Variants in FBH1 observed in about 807,000 individuals in gnomAD.
The protein encoded by FBH1 is DNA 3'-5' helicase 1.
In FBH1, 43 loss-of-function variants were observed where a neutral mutation model predicts 115.5. That is an observed-to-expected ratio of 0.37 (90% CI 0.29 to 0.48). The LOEUF is 0.48. Among genes scored for constraint, FBH1 ranks in the 20% least tolerant of loss-of-function variants. The pLI is 0.99. For synonymous variants in FBH1, 524 were observed against 507.8 expected, an observed-to-expected ratio of 1.03 and a Z score of -0.43; for missense variants, 1,001 against 1,337.3, an observed-to-expected ratio of 0.75 and a Z score of 3.92.
At chr10:5,922,666 G>A (rs1481296503) in intron 15 of FBH1, among the ~76,000 whole-genome samples, 1 of 152,186 alleles carries the variant, frequency 6.6e-6, no homozygotes, top group Non-Finnish European at 1.5e-5. Flanking sequence ...TTATGTGAGT[G>A]TTTTATGTGT....
chr10:5,910,845 C>A lies in FBH1; in HGVS notation c.1021-93C>A. Reference sequence around the variant, plus strand: ...GACAGTCTGTAGCCAGCAGCTGGACCCGTGGCTCGGCTTTCCTGACTCCTT... The same window carrying A: ...GACAGTCTGTAGCCAGCAGCTGGACACGTGGCTCGGCTTTCCTGACTCCTT... On this transcript the variant is annotated intron_variant, in intron 5 of 20. Coordinates refer to ENST00000362091, the MANE Select transcript of FBH1 (RefSeq NM_178150.3). The surrounding 1 kb of genome is among the most constrained non-coding windows in gnomAD (Gnocchi z 4.8). The A allele has an allele frequency of 9.1e-7, 1 of 1,093,038 alleles. No individual in the cohort carries two copies. Among genetic ancestry groups the A allele is most frequent in the Non-Finnish European group, 1.3e-6 (1 of 769,196 alleles). 67.7% of individuals were successfully genotyped at this position (1,093,038 alleles called of 1,614,324 possible).
At position 5,917,373 on chromosome 10, in the gene FBH1, T is replaced by C; in HGVS notation, c.1789-47T>C. 1 of 1,542,990 alleles carries C rather than the reference T, an allele frequency of 6.5e-7. No individual in the cohort carries two copies. The highest frequency in any genetic ancestry group is 8.9e-7 in the Non-Finnish European group (1 of 1,118,898). On this transcript the variant is annotated intron_variant, in intron 10 of 20. Transcript: ENST00000362091. This position sits in a 1 kb window ranked among gnomAD's most constrained non-coding sequence, Gnocchi z 5.6. ...GACAGTGTGACCGCAGGGTGCTGCCTTTGCCAGGGTCTCAAACTCTGGGTT... is the reference window on the plus strand; with the variant it reads ...GACAGTGTGACCGCAGGGTGCTGCCCTTGCCAGGGTCTCAAACTCTGGGTT...
At chr10:5,920,181 G>A (rs948811226) in intron 13 of FBH1, among the ~76,000 whole-genome samples, 1 of 152,192 alleles carries the variant, frequency 6.6e-6, no homozygotes, top group East Asian at 1.9e-4. Flanking sequence ...GCATTTGTAG[G>A]CTGCCCCTGT....
rs774431806 is a variant in FBH1 at position 5,895,218 on chromosome 10, G to A, written c.1+4872G>A. On this transcript the variant is annotated intron_variant, in intron 1 of 20. Transcript: ENST00000362091. The surrounding 1 kb of genome is among the most constrained non-coding windows in gnomAD (Gnocchi z 5.0). The stretch of plus-strand genomic sequence containing the variant: ...AGGCATGTGGGAAACTGACCAGGGC[G>A]GTTAGCTGACTCCAAAATTGTCCAG... The A allele has an allele frequency of 1.8e-5, 29 of 1,591,144 alleles. No individual in the cohort carries two copies. The highest frequency in any genetic ancestry group is 2.2e-5 in the South Asian group (2 of 89,008).
Position 5,925,518 on chromosome 10 carries a change from G to T in FBH1, c.2722+26G>T, listed in dbSNP as rs752038364. 6.2e-7 allele frequency: 1 copy of T among 1,612,560 alleles called. No individual in the cohort carries two copies. Among genetic ancestry groups the T allele is most frequent in the Non-Finnish European group, 8.5e-7 (1 of 1,179,728 alleles). On this transcript the variant is annotated intron_variant, in intron 18 of 20. Coordinates refer to ENST00000362091, the MANE Select transcript of FBH1 (RefSeq NM_178150.3). This position sits in a 1 kb window ranked among gnomAD's most constrained non-coding sequence, Gnocchi z 4.6. ...GTAAGAGGCCGCCGGGTAGTGTCAG[G>T]TGCTGCTGTATGTAGTGAGTGGTGA... is the stretch of plus-strand genomic sequence containing the variant.
In FBH1 at chr10:5,931,019, T is replaced by C. The variant is rs1245369984; in HGVS notation, c.2829+3478T>C. On this transcript the variant is annotated intron_variant, in intron 19 of 20. Coordinates refer to ENST00000362091, the MANE Select transcript of FBH1 (RefSeq NM_178150.3). The surrounding 1 kb of genome is among the most constrained non-coding windows in gnomAD (Gnocchi z 4.3). ...CTTAAGTGATCCTCCTACCTCAGCCTCCCAAAGTTCTGGGATTATAGGTGT... is the reference window on the plus strand; with the variant it reads ...CTTAAGTGATCCTCCTACCTCAGCCCCCCAAAGTTCTGGGATTATAGGTGT... 1.3e-5 allele frequency among the ~76,000 whole-genome samples: 2 copies of C among 152,146 alleles called. No individual in the cohort carries two copies. The highest frequency in any genetic ancestry group is 4.8e-5 in the African/African-American group (2 of 41,456).
Position 5,937,517 on chromosome 10 carries a change from TA to T in FBH1, c.*254del, listed in dbSNP as rs58766013. The T allele has an allele frequency of 0.57, 157,038 of 275,716 alleles. 36,409 individuals carry two copies. The highest frequency in any genetic ancestry group is 0.67 in the Admixed American group (12,672 of 18,782). 17.1% of individuals were successfully genotyped at this position (275,716 alleles called of 1,614,324 possible). A position where few individuals can be genotyped will look rare whatever the true frequency, so the allele number is the denominator to read the frequency against. ...AGGGAAGTGGGGGATGTTCTTTTGA[TA>T]AAAAAAAAAAAAAAAATTTATGTAT... is the stretch of plus-strand genomic sequence containing the variant. On this transcript the variant is annotated 3_prime_UTR_variant, in exon 21 of 21. Coordinates refer to ENST00000362091, the MANE Select transcript of FBH1 (RefSeq NM_178150.3).
chr10:5,900,658 A>T lies in FBH1; in HGVS notation c.2-2362A>T, dbSNP rs190005975. ...TAAAATATTCATGAAGTTTTTTTTT[A>T]AAAAAGCTGGTATTAAACCTTGAAA... On this transcript the variant is annotated intron_variant, in intron 1 of 20. Coordinates refer to ENST00000362091, the MANE Select transcript of FBH1 (RefSeq NM_178150.3). The surrounding 1 kb of genome is among the most constrained non-coding windows in gnomAD (Gnocchi z 4.2). Among the ~76,000 whole-genome samples the T allele has an allele frequency of 7.8e-4, 119 of 152,128 alleles. No homozygotes were observed. Among genetic ancestry groups the T allele is most frequent in the South Asian group, 2.5e-3 (12 of 4,828 alleles).
chr10:5,891,119 A>G (rs1842695048), intron 1 of FBH1: 4 of 985,134 alleles, frequency 4.1e-6, no homozygotes, highest in Non-Finnish European at 4.8e-6. Context: ...AATTACAGGT[A>G]ATAAAGTCTT....
At chr10:5,934,591 T>G (rs534235978) in intron 19 of FBH1, 2 of 152,354 alleles carry the variant, frequency 1.3e-5, no homozygotes, top group Admixed American at 6.5e-5. Context: ...TTGACTGGGC[T>G]GGTCTCAAAC....
Position 5,911,277 on chromosome 10 carries a change from C to G in FBH1, c.1211+149C>G, listed in dbSNP as rs1831574546. On this transcript the variant is annotated intron_variant, in intron 6 of 20. Coordinates refer to ENST00000362091, the MANE Select transcript of FBH1 (RefSeq NM_178150.3). This position sits in a 1 kb window ranked among gnomAD's most constrained non-coding sequence, Gnocchi z 5.4. Reference sequence around the variant, plus strand: ...ACCTCAGTGTCATCTTCTGCAGGAGCCAGGGGCTGAGAGTTTGATGTGGAA... The same window carrying G: ...ACCTCAGTGTCATCTTCTGCAGGAGGCAGGGGCTGAGAGTTTGATGTGGAA... 4 of 762,320 alleles carry G rather than the reference C, an allele frequency of 5.2e-6. No homozygotes were observed. Among genetic ancestry groups the G allele is most frequent in the Non-Finnish European group, 8.3e-6 (4 of 484,254 alleles). 47.2% of individuals were successfully genotyped at this position (762,320 alleles called of 1,614,324 possible).
chr10:5,901,307 C>A (rs1297510998), intron 1 of FBH1, among the ~76,000 whole-genome samples: 1 of 151,972 alleles, frequency 6.6e-6, no homozygotes, highest in African/African-American at 2.4e-5. Context: ...GGGGCATATG[C>A]CACCATGCCC....
Position 5,921,351 on chromosome 10 carries a change from C to T in FBH1, c.2194C>T (p.His732Tyr). The change falls in exon 14 of 21, where the codon CAT (histidine) becomes TAT (tyrosine). Residue 732 changes from histidine (H) to tyrosine (Y), a missense_variant. By Grantham distance (83) the His-to-Tyr change is moderately conservative (BLOSUM62 2). Coordinates refer to ENST00000362091, the MANE Select transcript of FBH1 (RefSeq NM_178150.3). This position sits in a 1 kb window ranked among gnomAD's most constrained non-coding sequence, Gnocchi z 6.4. ...GAAAAAGACTTTGGTTGGAGGAAAC[C>T]ATCAGAGTAAGGCTTTTAGTTACTC... ...VRKKTLVGGN[H>Y]QSGIRGDAKG... 2 of 1,614,148 alleles carry T rather than the reference C, an allele frequency of 1.2e-6. No individual in the cohort carries two copies. Among genetic ancestry groups the T allele is most frequent in the Non-Finnish European group, 1.7e-6 (2 of 1,180,020 alleles).
At chr10:5,894,976 C>A in intron 1 of FBH1, 2 of 1,532,684 alleles carry the variant, frequency 1.3e-6, no homozygotes, top group African/African-American at 1.4e-5. Flanking sequence ...TGCTTCCTGG[C>A]TTGAGTGAAT....
At chr10:5,894,110 G>T in intron 1 of FBH1, 1 of 985,406 alleles carries the variant, frequency 1.0e-6, no homozygotes, top group Non-Finnish European at 1.2e-6. Flanking sequence ...GGAACTTTTG[G>T]ATTTCTGGAG....
chr10:5,909,190 G>A lies in FBH1; in HGVS notation c.916G>A (p.Val306Met), dbSNP rs745743886. The change falls in exon 5 of 21, where the codon GTG (valine) becomes ATG (methionine). Residue 306 changes from valine (V) to methionine (M), a missense_variant. Around this residue, in one of 4 missense-constraint regions of FBH1, gnomAD observed 420 missense variants for 430.4 expected, o/e 0.98. Coordinates refer to ENST00000362091, the MANE Select transcript of FBH1 (RefSeq NM_178150.3). This position sits in a 1 kb window ranked among gnomAD's most constrained non-coding sequence, Gnocchi z 4.4. The stretch of plus-strand genomic sequence containing the variant: ...AGCCACCACTAAGTGCTCTCCGAGT[G>A]TGGATCCCGAGAGGGTGCTGTGGAG... ...YTATTKCSPS[V>M]DPERVLWSLR... 6.2e-7 allele frequency: 1 copy of A among 1,613,754 alleles called. No individual in the cohort carries two copies. Among genetic ancestry groups the A allele is most frequent in the African/African-American group, 1.3e-5 (1 of 75,032 alleles).
rs540501664 is a variant in FBH1 at position 5,898,344 on chromosome 10, C to T, written c.2-4676C>T. Among the ~76,000 whole-genome samples, 31 of 152,266 alleles carry T rather than the reference C, an allele frequency of 2.0e-4. 2 individuals are homozygous for T. In the South Asian group the frequency reaches 6.0e-3, roughly 30 times the overall value. ...AGTAAGGGAGCTCTCTGAGACCTCT[C>T]TTATAAGGGCACTAATCCCATTTGT... is the stretch of plus-strand genomic sequence containing the variant. On this transcript the variant is annotated intron_variant, in intron 1 of 20. Coordinates refer to ENST00000362091, the MANE Select transcript of FBH1 (RefSeq NM_178150.3).
Position 5,915,275 on chromosome 10 carries a change from C to G in FBH1, c.1397-128C>G. Reference sequence around the variant, plus strand: ...TTTGGTGGCACTACTTTTACCAGCACTGAAAAACTTGTTACTGTCCTGCTC... The same window carrying G: ...TTTGGTGGCACTACTTTTACCAGCAGTGAAAAACTTGTTACTGTCCTGCTC... On this transcript the variant is annotated intron_variant, in intron 8 of 20. Transcript: ENST00000362091. This position sits in a 1 kb window ranked among gnomAD's most constrained non-coding sequence, Gnocchi z 5.2. 6 of 949,052 alleles carry G rather than the reference C, an allele frequency of 6.3e-6. No homozygotes were observed. The highest frequency in any genetic ancestry group is 9.3e-6 in the Non-Finnish European group (6 of 648,244). The allele number at this position is 949,052 out of a possible 1,614,324, so 58.8% of individuals were successfully genotyped here.
rs767086074 is a variant in FBH1, at chr10:5,906,056, C to A, written c.177C>A (p.Cys59Ter). The A allele has an allele frequency of 6.2e-7, 1 of 1,608,538 alleles. No homozygotes were observed. The highest frequency in any genetic ancestry group is 2.2e-5 in the East Asian group (1 of 44,710). The change falls in exon 3 of 21, where the codon TGC becomes TGA. Residue 59 changes from cysteine to a stop codon, truncating the protein, a stop_gained. Transcript: ENST00000362091. LOFTEE classifies it high-confidence loss of function. The surrounding 1 kb of genome is among the most constrained non-coding windows in gnomAD (Gnocchi z 7.3). ...RGSRGQGSQRCIPEFFLAGKQ... is the reference protein window; with the variant it reads ...RGSRGQGSQR ...CTACAGGTCAGGGAAGTCAAAGATG[C>A]ATCCCTGAGTTCTTCCTAGCAGGCA...
Sources: allele counts gnomAD v4.1 joint callset (sites outside exome capture counted in the v4.1 genomes callset), GRCh38; gene constraint gnomAD v4.1.1; regional missense constraint gnomAD v4.1.1; non-coding constraint Gnocchi (gnomAD v3.1); transcripts MANE v1.5; gene names NCBI Gene and HGNC (gene_info 2026-07-23, HGNC 2026-07-21).